Variants in KIAA0586 observed in about 807,000 individuals in gnomAD.
The protein encoded by KIAA0586 is KIAA0586.
In KIAA0586, 144 loss-of-function variants were observed where a neutral mutation model predicts 169.8. The ratio of observed to expected loss-of-function variants is 0.85; its 90% CI spans 0.74 to 0.97. The LOEUF (loss-of-function observed/expected upper bound fraction) is 0.97, where lower values mean the gene tolerates loss of function less well. Among genes scored for constraint, KIAA0586 ranks in the 50% least tolerant of loss-of-function variants. The probability of loss-of-function intolerance (pLI) is 0.00; values close to 1 mark genes in which losing one functional copy is unlikely to be tolerated. For missense variants in KIAA0586, 1,854 were observed against 1,823.0 expected (o/e 1.02, Z -0.31); for synonymous variants, 625 against 612.4 (o/e 1.02, Z -0.30).
intron 13 of KIAA0586, 77 bp from the exon 14 acceptor site, chr14:58,460,909 A>C: frequency 9.3e-7 from 1 of 1,080,124 alleles, no homozygotes; most frequent in East Asian, 2.8e-5. Flanking sequence ...TTAAGCTAGC[A>C]AAAGGAGGCT....
chr14:58,456,649 T>G, intron 9 of KIAA0586, 53 bp from the exon 10 acceptor site: 1 of 937,822 alleles, frequency 1.1e-6, no homozygotes, highest in South Asian at 1.5e-5. Flanking sequence ...TACAACAATT[T>G]AGGAAACTTT....
At chr14:58,460,091 T>C (rs1235523870) in intron 13 of KIAA0586, 21 bp downstream of exon 13, 2 of 1,292,082 alleles carry the variant, frequency 1.5e-6, no homozygotes. Context: ...AATCTGTTCT[T>C]TTAACATAAT....
rs140391786 is a variant in KIAA0586 at position 58,439,867 on chromosome 14, T to C, written c.411-2839T>C. On this transcript the variant is annotated intron_variant, in intron 4 of 30. Transcript: ENST00000652326. ...GGAATGTATTCCTGCCAATTTTACT[T>C]AGACTCTCTTAGGGACTCTTCAGTT... 387 of 975,436 alleles carry C rather than the reference T, an allele frequency of 4.0e-4. 3 individuals are homozygous for C. In the East Asian group the frequency reaches 0.013, roughly 32 times the overall value. The allele number at this position is 975,436 out of a possible 1,614,324, so 60.4% of individuals were successfully genotyped here. A position where few individuals can be genotyped will look rare whatever the true frequency, so the allele number is the denominator to read the frequency against.
At chr14:58,540,238 A>G (rs1390902496) in intron 30 of KIAA0586, 102 bp downstream of exon 30, 2 of 641,864 alleles carry the variant, frequency 3.1e-6, no homozygotes, top group East Asian at 2.9e-5. Flanking sequence ...TAGAAATACT[A>G]ATAGCAATTT....
intron 26 of KIAA0586, 57 bp from the exon 27 acceptor site, chr14:58,498,726 C>A: frequency 6.8e-7 from 1 of 1,464,540 alleles, no homozygotes; most frequent in Non-Finnish European, 9.2e-7. Flanking sequence ...GCAAAGATTT[C>A]CTGTTTTGAC....
chr14:58,451,883 C>G (rs948380981), intron 8 of KIAA0586, among the ~76,000 whole-genome samples: 5 of 152,118 alleles, frequency 3.3e-5, no homozygotes, highest in Non-Finnish European at 5.9e-5. Flanking sequence ...CGGGGTTTCA[C>G]CATGTTAGCC....
chr14:58,517,012 A>G (rs192781967), intron 29 of KIAA0586, among the ~76,000 whole-genome samples: 2 of 152,348 alleles, frequency 1.3e-5, no homozygotes, highest in East Asian at 3.9e-4. Context: ...TCATAGATCT[A>G]AATGTAAAGC....
At chr14:58,452,905 C>T (rs1214550219) in intron 8 of KIAA0586, among the ~76,000 whole-genome samples, 5 of 149,470 alleles carry the variant, frequency 3.3e-5, no homozygotes, top group South Asian at 2.1e-4. Flanking sequence ...TTGTAGGCTA[C>T]TTTGTAGGCT....
intron 27 of KIAA0586, among the ~76,000 whole-genome samples, chr14:58,507,363 CAT>C (rs1395640947): frequency 3.5e-5 from 5 of 143,442 alleles, no homozygotes; most frequent in South Asian, 2.2e-4. Flanking sequence ...TATAATATAT[CAT>C]ATATATGAAT....
chr14:58,504,604 T>C (rs1448332050), intron 27 of KIAA0586, among the ~76,000 whole-genome samples: 3 of 152,218 alleles, frequency 2.0e-5, no homozygotes, highest in Admixed American at 1.3e-4. Flanking sequence ...AACAAAATTC[T>C]AGGAAAGTAA....
At chr14:58,531,949 A>C (rs2045995088) in intron 29 of KIAA0586, among the ~76,000 whole-genome samples, 1 of 150,380 alleles carries the variant, frequency 6.6e-6, no homozygotes, top group South Asian at 2.1e-4. Flanking sequence ...GAAATCAAAC[A>C]CCTCATGTTC....
chr14:58,439,131 A>C (rs1235684240), intron 4 of KIAA0586, among the ~76,000 whole-genome samples: 1 of 152,178 alleles, frequency 6.6e-6, no homozygotes, highest in East Asian at 1.9e-4. Flanking sequence ...CTTAATAAAT[A>C]GTTCTATGAC....
intron 27 of KIAA0586, among the ~76,000 whole-genome samples, chr14:58,506,152 TTTCTC>T (rs1293080047): frequency 1.3e-5 from 2 of 152,154 alleles, no homozygotes; most frequent in African/African-American, 4.8e-5. Flanking sequence ...ATGTAATTCT[TTTCTC>T]TTAATTCATT....
chr14:58,554,692 G>A (rs149185073), downstream of KIAA0586, among the ~76,000 whole-genome samples: 912 of 152,250 alleles, frequency 6.0e-3, 10 homozygotes, highest in Middle Eastern at 0.014. Context: ...CTCAGTAAAA[G>A]GCCAGATAGT....
rs1252173930 is a variant in KIAA0586, at chr14:58,430,729, A to G, written c.340+12A>G. 2.0e-6 allele frequency: 3 copies of G among 1,509,390 alleles called. No homozygotes were observed. Among genetic ancestry groups the G allele is most frequent in the Non-Finnish European group, 2.7e-6 (3 of 1,092,162 alleles). 93.5% of individuals were successfully genotyped at this position (1,509,390 alleles called of 1,614,324 possible). On this transcript the variant is annotated intron_variant, in intron 3 of 30. Coordinates refer to ENST00000652326, the MANE Select transcript of KIAA0586 (RefSeq NM_001329943.3). ...CAACAAGCAAAAAGGTAAAAGAATA[A>G]TATTGATTTTTTTAAATTGTGACAA...
At chr14:58,528,967 TAAA>T (rs1555404248) in intron 29 of KIAA0586, among the ~76,000 whole-genome samples, 1 of 151,760 alleles carries the variant, frequency 6.6e-6, no homozygotes, top group Non-Finnish European at 1.5e-5. Context: ...GCTAGACTAA[TAAA>T]GAAGAAAAGA....
At chr14:58,522,280 G>T (rs1158005440) in intron 29 of KIAA0586, among the ~76,000 whole-genome samples, 1 of 152,080 alleles carries the variant, frequency 6.6e-6, no homozygotes, top group Non-Finnish European at 1.5e-5. Context: ...TTTATTAACT[G>T]TCTCCAAAAT....
At chr14:58,524,949 C>T (rs2045475360) in intron 29 of KIAA0586, among the ~76,000 whole-genome samples, 1 of 152,150 alleles carries the variant, frequency 6.6e-6, no homozygotes, top group Admixed American at 6.5e-5. Context: ...TTGTCATCTG[C>T]CTGCCTTGGC....
chr14:58,547,980 C>A lies in KIAA0586; in HGVS notation c.*48C>A. 6.3e-7 allele frequency: 1 copy of A among 1,594,944 alleles called. No individual in the cohort carries two copies. The highest frequency in any genetic ancestry group is 1.1e-5 in the South Asian group (1 of 88,936). Reference sequence around the variant, plus strand: ...GTGTTTATGCCACTGGTTTTAAAGTCATTTTACCTTGGCTTAAAACCCTCT... The same window carrying A: ...GTGTTTATGCCACTGGTTTTAAAGTAATTTTACCTTGGCTTAAAACCCTCT... On this transcript the variant is annotated 3_prime_UTR_variant, in exon 31 of 31. Transcript: ENST00000652326.
Sources: gnomAD v4.1 joint callset for allele counts (sites outside exome capture counted in the v4.1 genomes callset) on GRCh38, gnomAD v4.1.1 for gene constraint, MANE v1.5 for transcripts, NCBI Gene and HGNC (gene_info 2026-07-23, HGNC 2026-07-21) for gene names.